Variants in SNTG1 observed in about 807,000 individuals in gnomAD.
SNTG1 encodes gamma-1-syntrophin.
A neutral mutation model predicts 74.7 loss-of-function variants in SNTG1; 39 were observed. The observed-to-expected ratio is 0.52, with a 90% CI of 0.40 to 0.68. The LOEUF is 0.68. Among genes scored for constraint, SNTG1 ranks in the 30% least tolerant of loss-of-function variants. SNTG1 has a pLI of 0.00. For missense variants in SNTG1, 685 were observed against 609.5 expected (o/e 1.12, Z -1.30); for synonymous variants, 254 against 217.1 (o/e 1.17, Z -1.49).
chr8:50,515,413 T>G (rs1339750545), intron 9 of SNTG1, among the ~76,000 whole-genome samples: 5 of 79,646 alleles, frequency 6.3e-5, no homozygotes, highest in African/African-American at 4.7e-4. Flanking sequence ...TTTTTTTTTT[T>G]TTGTTACTCC....
intron 18 of SNTG1, among the ~76,000 whole-genome samples, chr8:50,763,966 T>TA (rs143911659): frequency 0.021 from 2,838 of 135,538 alleles, 93 homozygotes; most frequent in African/African-American, 0.068. Flanking sequence ...AGAATACTGA[T>TA]AAAAAAAAAT....
chr8:50,278,299 C>A lies in SNTG1; in HGVS notation c.-28+105664C>A, dbSNP rs547560113. On this transcript the variant is annotated intron_variant, in intron 2 of 18. Coordinates refer to ENST00000642720, the MANE Select transcript of SNTG1 (RefSeq NM_018967.5). ...TGTTGAATATAATATTTTTCAAAGA[C>A]AAAGAGTTGCTTAGTTATTTATAGG... is the stretch of plus-strand genomic sequence containing the variant. Among the ~76,000 whole-genome samples the A allele has an allele frequency of 5.3e-4, 80 of 152,212 alleles. 3 individuals are homozygous for A. The South Asian group carries it at 0.017, about 32-fold the overall frequency.
intron 11 of SNTG1, among the ~76,000 whole-genome samples, chr8:50,549,803 C>A (rs2094413250): frequency 6.6e-6 from 1 of 152,176 alleles, no homozygotes; most frequent in Non-Finnish European, 1.5e-5. Context: ...CTTTCCCTTA[C>A]CTGCCCCAAC....
chr8:50,452,003 G>T (rs2131630624), intron 8 of SNTG1, among the ~76,000 whole-genome samples: 1 of 152,286 alleles, frequency 6.6e-6, no homozygotes, highest in East Asian at 1.9e-4. Context: ...TTTTTGAATA[G>T]ATTGCTCCTC....
chr8:50,490,715 G>A (rs1327980980), intron 8 of SNTG1: 1 of 152,314 alleles, frequency 6.6e-6, no homozygotes, highest in Non-Finnish European at 1.5e-5. Context: ...GGCAGGCAAT[G>A]GCTCCTTTAG....
At position 50,105,011 on chromosome 8, in the gene SNTG1, T is replaced by C. The variant is rs182555372; in HGVS notation, c.-102-67550T>C. The stretch of plus-strand genomic sequence containing the variant: ...GTTGTCTATTTACTCTGTTGATGGT[T>C]TCTTTTGCTCTGCAGAAGCCTTTTA... On this transcript the variant is annotated intron_variant, in intron 1 of 18. Coordinates refer to ENST00000642720, the MANE Select transcript of SNTG1 (RefSeq NM_018967.5). 4.3e-3 allele frequency among the ~76,000 whole-genome samples: 659 copies of C among 152,248 alleles called. 2 individuals are homozygous for C. Among genetic ancestry groups the C allele is most frequent in the Non-Finnish European group, 6.8e-3 (461 of 68,014 alleles).
intron 2 of SNTG1, among the ~76,000 whole-genome samples, chr8:50,376,105 A>G (rs1563300582): frequency 6.6e-6 from 1 of 152,170 alleles, no homozygotes; most frequent in Non-Finnish European, 1.5e-5. Flanking sequence ...TTGTAAATTT[A>G]CATCCTACTT....
intron 17 of SNTG1, among the ~76,000 whole-genome samples, chr8:50,730,704 T>C (rs922001096): frequency 6.6e-6 from 1 of 152,188 alleles, no homozygotes; most frequent in African/African-American, 2.4e-5. Context: ...GAATTTTTAA[T>C]GAATACAGAA....
chr8:50,307,207 A>G (rs2089936424), intron 2 of SNTG1, among the ~76,000 whole-genome samples: 1 of 152,108 alleles, frequency 6.6e-6, no homozygotes, highest in Non-Finnish European at 1.5e-5. Context: ...TGATTAACCT[A>G]TATATGCATT....
At chr8:49,957,766 G>A (rs1418135131) in intron 1 of SNTG1, among the ~76,000 whole-genome samples, 3 of 151,996 alleles carry the variant, frequency 2.0e-5, no homozygotes, top group Non-Finnish European at 4.4e-5. Flanking sequence ...CACAGATGAA[G>A]CAGACTGCAC....
At chr8:50,719,933 A>G (rs2095483733) in intron 17 of SNTG1, among the ~76,000 whole-genome samples, 2 of 152,180 alleles carry the variant, frequency 1.3e-5, no homozygotes, top group Admixed American at 1.3e-4. Context: ...ATTTTTTAAT[A>G]TAGTTGATGA....
At chr8:50,307,595 T>C (rs988216803) in intron 2 of SNTG1, among the ~76,000 whole-genome samples, 1 of 152,090 alleles carries the variant, frequency 6.6e-6, no homozygotes, top group Non-Finnish European at 1.5e-5. Flanking sequence ...TTGATTTTTG[T>C]TTTTAATCCT....
At chr8:50,263,140 A>G (rs982514187) in intron 2 of SNTG1, among the ~76,000 whole-genome samples, 6 of 152,178 alleles carry the variant, frequency 3.9e-5, no homozygotes, top group African/African-American at 1.4e-4. Context: ...TGGGTTATCA[A>G]TTTTAAGAAA....
chr8:50,194,440 C>A (rs1448215792), intron 2 of SNTG1, among the ~76,000 whole-genome samples: 1 of 152,106 alleles, frequency 6.6e-6, no homozygotes, highest in African/African-American at 2.4e-5. Flanking sequence ...TCTAGATTTT[C>A]TAGTTTATGT....
chr8:50,678,468 G>A (rs2095318004), intron 15 of SNTG1, among the ~76,000 whole-genome samples: 1 of 152,076 alleles, frequency 6.6e-6, no homozygotes, highest in Admixed American at 6.6e-5. Context: ...GGACAGGGCT[G>A]TAATGTTTAC....
intron 1 of SNTG1, among the ~76,000 whole-genome samples, chr8:50,136,928 C>T (rs146021020): frequency 6.6e-6 from 1 of 152,072 alleles, no homozygotes; most frequent in Non-Finnish European, 1.5e-5. Flanking sequence ...CATTTTAACT[C>T]TCTGTTGAAA....
chr8:50,284,235 C>A (rs1474570599), intron 2 of SNTG1, among the ~76,000 whole-genome samples: 2 of 151,920 alleles, frequency 1.3e-5, no homozygotes, highest in African/African-American at 4.8e-5. Context: ...TAAACATTTT[C>A]TATTCTTATG....
chr8:50,318,246 T>TG (rs561493187), intron 2 of SNTG1, among the ~76,000 whole-genome samples: 188 of 151,624 alleles, frequency 1.2e-3, no homozygotes, highest in African/African-American at 4.4e-3. Context: ...GTTCTCAACA[T>TG]GTGCACGGCA....
intron 13 of SNTG1, among the ~76,000 whole-genome samples, chr8:50,611,588 T>C (rs2094850213): frequency 2.0e-5 from 3 of 152,160 alleles, no homozygotes; most frequent in Admixed American, 6.5e-5. Context: ...TTTAAAAGCA[T>C]TGAAGAATGT....
Sources: allele counts gnomAD v4.1 joint callset (sites outside exome capture counted in the v4.1 genomes callset), GRCh38; gene constraint gnomAD v4.1.1; transcripts MANE v1.5; gene names NCBI Gene and HGNC (gene_info 2026-07-23, HGNC 2026-07-21).